SLC8A3: variants seen among roughly 807,000 people sequenced by gnomAD.
SLC8A3 encodes solute carrier family 8 member A3, also known as sodium/calcium exchanger 3.
In SLC8A3, 37 loss-of-function variants were observed where a neutral mutation model predicts 65.4. The observed-to-expected ratio is 0.57, with a 90% CI of 0.44 to 0.74. The LOEUF is 0.74. SLC8A3 is among the 30% of genes least tolerant of loss of function. The pLI is 0.00. For missense variants in SLC8A3, 1,112 were observed against 1,172.1 expected (o/e 0.95, Z 0.75); for synonymous variants, 461 against 444.5 (o/e 1.04, Z -0.47).
intron 2 of SLC8A3, among the ~76,000 whole-genome samples, chr14:70,122,003 A>AT (rs1477993110): frequency 6.6e-6 from 1 of 152,078 alleles, no homozygotes; most frequent in Non-Finnish European, 1.5e-5. Flanking sequence ...GTGGCTCCAT[A>AT]TTTAAGAATT....
intron 1 of SLC8A3, among the ~76,000 whole-genome samples, chr14:70,176,001 G>A (rs1435558571): frequency 6.6e-6 from 1 of 152,064 alleles, no homozygotes; most frequent in East Asian, 1.9e-4. Flanking sequence ...TCCCAAAGGG[G>A]AAGCTTTTTT....
chr14:70,178,316 G>C (rs1882414361), intron 1 of SLC8A3, among the ~76,000 whole-genome samples: 1 of 152,222 alleles, frequency 6.6e-6, no homozygotes, highest in African/African-American at 2.4e-5. Flanking sequence ...CAATAGACCA[G>C]ACTGTGATAA....
At chr14:70,106,703 T>A (rs896997399) in intron 2 of SLC8A3, among the ~76,000 whole-genome samples, 1 of 152,162 alleles carries the variant, frequency 6.6e-6, no homozygotes, top group African/African-American at 2.4e-5. Context: ...TTGAAGCCCA[T>A]ATTCAATTTG....
chr14:70,057,481 C>G (rs1446734209), intron 3 of SLC8A3, among the ~76,000 whole-genome samples: 1 of 152,130 alleles, frequency 6.6e-6, no homozygotes, highest in African/African-American at 2.4e-5. Flanking sequence ...TCCCTGATGC[C>G]CTGGTTTTCA....
intron 1 of SLC8A3, among the ~76,000 whole-genome samples, chr14:70,181,993 C>A (rs1882791102): frequency 6.6e-6 from 1 of 152,146 alleles, no homozygotes; most frequent in Non-Finnish European, 1.5e-5. Context: ...ATGGTAAACA[C>A]ACACACATTA....
chr14:70,183,348 T>A (rs1168903676), intron 1 of SLC8A3, among the ~76,000 whole-genome samples: 1 of 152,232 alleles, frequency 6.6e-6, no homozygotes, highest in Admixed American at 6.5e-5. Flanking sequence ...ATATTATTTT[T>A]AAATACTCAC....
Position 70,086,400 on chromosome 14 carries a change from T to C in SLC8A3, c.1785-25461A>G, listed in dbSNP as rs1162279499. Among the ~76,000 whole-genome samples, 20 of 111,624 alleles carry C rather than the reference T, an allele frequency of 1.8e-4. No individual in the cohort carries two copies. The East Asian group carries it at 9.9e-3, about 55-fold the overall frequency. The allele number at this position is 111,624 out of a possible 152,430, so 73.2% of individuals were successfully genotyped here. On this transcript the variant is annotated intron_variant, in intron 2 of 6. Transcript: ENST00000356921. Reference sequence around the variant, plus strand: ...TCTTTTCTTTTTTCTTTTTCTTTTTTCTTTTTTTTTTTTTTTTTTGAGATG... The same window carrying C: ...TCTTTTCTTTTTTCTTTTTCTTTTTCCTTTTTTTTTTTTTTTTTTGAGATG...
intron 2 of SLC8A3, among the ~76,000 whole-genome samples, chr14:70,073,819 C>T (rs970510503): frequency 2.3e-4 from 35 of 152,302 alleles, no homozygotes; most frequent in African/African-American, 8.4e-4. Flanking sequence ...GAGGAGCTGG[C>T]TCTTCAGGAC....
intron 2 of SLC8A3, among the ~76,000 whole-genome samples, chr14:70,096,489 G>T (rs1892188327): frequency 6.6e-6 from 1 of 152,094 alleles, no homozygotes; most frequent in African/African-American, 2.4e-5. Context: ...ATTTTCCCTG[G>T]ATGTTTTCAA....
At chr14:70,059,636 A>G (rs1274394167) in intron 3 of SLC8A3, among the ~76,000 whole-genome samples, 1 of 152,146 alleles carries the variant, frequency 6.6e-6, no homozygotes, top group Non-Finnish European at 1.5e-5. Context: ...CCTGGCAGGT[A>G]TTCTCAGATG....
chr14:70,111,521 G>A (rs553152108), intron 2 of SLC8A3, among the ~76,000 whole-genome samples: 4 of 152,266 alleles, frequency 2.6e-5, no homozygotes, highest in East Asian at 3.9e-4. Context: ...TATCATAAGC[G>A]AAGATCAGTA....
chr14:70,073,273 G>A (rs2139931804), intron 2 of SLC8A3, among the ~76,000 whole-genome samples: 1 of 152,248 alleles, frequency 6.6e-6, no homozygotes, highest in East Asian at 1.9e-4. Context: ...CTGTATGAGT[G>A]TTACCCAGTT....
chr14:70,080,015 CA>C (rs1259493765), intron 2 of SLC8A3: 2 of 829,928 alleles, frequency 2.4e-6, no homozygotes, highest in Non-Finnish European at 2.9e-6. Flanking sequence ...ATAACATTCA[CA>C]TTGGGTTGTC....
chr14:70,062,600 C>T (rs890752222), intron 2 of SLC8A3, among the ~76,000 whole-genome samples: 1 of 152,164 alleles, frequency 6.6e-6, no homozygotes, highest in Non-Finnish European at 1.5e-5. Flanking sequence ...TATAATTTTC[C>T]CACGATGACA....
At chr14:70,052,200 G>T in intron 3 of SLC8A3, 86 bp from the exon 4 acceptor site, 1 of 1,452,006 alleles carries the variant, frequency 6.9e-7, no homozygotes, top group Non-Finnish European at 9.1e-7. Flanking sequence ...ATGGGCAGTG[G>T]GTACAAAGCA....
intron 1 of SLC8A3, among the ~76,000 whole-genome samples, chr14:70,171,806 C>CA (rs1056943927): frequency 6.6e-6 from 1 of 151,670 alleles, no homozygotes; most frequent in Non-Finnish European, 1.5e-5. Context: ...GTCTCAAAAA[C>CA]AAAAAAAGAA....
At chr14:70,098,676 AC>A (rs1892356758) in intron 2 of SLC8A3, among the ~76,000 whole-genome samples, 1 of 152,202 alleles carries the variant, frequency 6.6e-6, no homozygotes, top group Non-Finnish European at 1.5e-5. Context: ...CTTAAAAGCC[AC>A]ACCGTGTGAG....
At chr14:70,162,853 T>C (rs1040803633) in intron 2 of SLC8A3, among the ~76,000 whole-genome samples, 4 of 152,246 alleles carry the variant, frequency 2.6e-5, no homozygotes, top group African/African-American at 9.6e-5. Flanking sequence ...ATTAATCATG[T>C]ACCTATCCCC....
intron 2 of SLC8A3, among the ~76,000 whole-genome samples, chr14:70,164,615 T>A (rs887744493): frequency 3.3e-5 from 5 of 152,138 alleles, no homozygotes; most frequent in Admixed American, 3.3e-4. Flanking sequence ...CCTAGGTGCA[T>A]AATTGATTAT....
Sources: gnomAD v4.1 joint callset for allele counts (sites outside exome capture counted in the v4.1 genomes callset) on GRCh38, gnomAD v4.1.1 for gene constraint, MANE v1.5 for transcripts, NCBI Gene and HGNC (gene_info 2026-07-23, HGNC 2026-07-21) for gene names.